METTL24: variants seen among roughly 807,000 people sequenced by gnomAD.
METTL24 encodes probable methyltransferase-like protein 24.
METTL24 carries 29 observed loss-of-function variants against 32.7 expected under a neutral mutation model. The ratio of observed to expected loss-of-function variants is 0.89; its 90% CI spans 0.66 to 1.21. The LOEUF is 1.21. METTL24 is among the 50% of genes most tolerant of loss of function. METTL24 has a pLI of 0.00. For synonymous variants in METTL24, 163 were observed against 179.5 expected, an observed-to-expected ratio of 0.91 and a Z score of 0.73; for missense variants, 439 against 468.1, an observed-to-expected ratio of 0.94 and a Z score of 0.57.
At chr6:110,329,371 G>A (rs924115259) in intron 1 of METTL24, among the ~76,000 whole-genome samples, 1 of 152,108 alleles carries the variant, frequency 6.6e-6, no homozygotes, top group Non-Finnish European at 1.5e-5. Context: ...AAGCTTTCTG[G>A]GAGAAACAAA....
At chr6:110,280,369 T>C (rs1771116501) in intron 4 of METTL24, among the ~76,000 whole-genome samples, 1 of 152,208 alleles carries the variant, frequency 6.6e-6, no homozygotes, top group African/African-American at 2.4e-5. Context: ...TATAGATATA[T>C]ACCACGTATT....
chr6:110,325,469 T>C (rs980929585), intron 1 of METTL24, among the ~76,000 whole-genome samples: 1 of 152,190 alleles, frequency 6.6e-6, no homozygotes, highest in African/African-American at 2.4e-5. Flanking sequence ...AGCTGTAGTT[T>C]GCTGACTCCT....
intron 3 of METTL24, among the ~76,000 whole-genome samples, chr6:110,312,176 C>T (rs1282531773): frequency 6.6e-6 from 1 of 152,010 alleles, no homozygotes; most frequent in Non-Finnish European, 1.5e-5. Context: ...GTTAGAATGG[C>T]TATTATTAAA....
intron 3 of METTL24, among the ~76,000 whole-genome samples, chr6:110,309,866 A>AC (rs1025852414): frequency 7.2e-5 from 11 of 152,142 alleles, no homozygotes; most frequent in African/African-American, 2.7e-4. Context: ...TAGGAGCAAA[A>AC]AAAACAAAAC....
chr6:110,334,111 A>G (rs1428381527), intron 1 of METTL24, among the ~76,000 whole-genome samples: 27 of 151,506 alleles, frequency 1.8e-4, no homozygotes, highest in African/African-American at 6.3e-4. Context: ...AACAGAGGAA[A>G]GGGGGGTCTT....
chr6:110,324,170 G>A (rs542477890), intron 1 of METTL24, among the ~76,000 whole-genome samples: 12 of 152,302 alleles, frequency 7.9e-5, no homozygotes, highest in South Asian at 2.1e-4. Context: ...TCACTTGGGC[G>A]TCTGAGATCA....
At chr6:110,334,468 T>C (rs1041881281) in intron 1 of METTL24, among the ~76,000 whole-genome samples, 13 of 152,000 alleles carry the variant, frequency 8.6e-5, no homozygotes, top group African/African-American at 3.1e-4. Flanking sequence ...GCACAGGACA[T>C]TGACGGGAAG....
chr6:110,299,011 G>A lies in METTL24; in HGVS notation c.697C>T (p.Arg233Trp), dbSNP rs754123098. 33 of 1,614,022 alleles carry A rather than the reference G, an allele frequency of 2.0e-5. 1 individual carries two copies. Among genetic ancestry groups the A allele is most frequent in the South Asian group, 5.5e-5 (5 of 91,086 alleles). ...LWYHRLSIDW[R>W]DPHPAVAAQK... is the part of the protein sequence containing the mutation. ...GCAGCAACAGCTGGATGGGGATCCC[G>A]CCAGTCAATGGACAAGCGGTGATAC... The change falls in exon 4 of 5, where the codon CGG (arginine) becomes TGG (tryptophan). Residue 233 changes from arginine to tryptophan, a missense_variant. Transcript: ENST00000338882.
intron 4 of METTL24, among the ~76,000 whole-genome samples, chr6:110,256,621 G>A (rs1296978714): frequency 3.3e-5 from 5 of 152,130 alleles, no homozygotes; most frequent in South Asian, 4.1e-4. Flanking sequence ...CCCTCCCCCT[G>A]GCCTTCCATC....
rs548785278 is a variant in METTL24, at chr6:110,254,430, G to A, written c.787-8170C>T. Among the ~76,000 whole-genome samples the A allele has an allele frequency of 3.5e-4, 54 of 152,254 alleles. No individual in the cohort carries two copies. In the South Asian group the frequency reaches 9.3e-3, roughly 26 times the overall value. Reference sequence around the variant, plus strand: ...GTGGATCATTTGAGGCCAGGAGTTCGAGACCAGCCTGGGCAACATGGCAAA... The same window carrying A: ...GTGGATCATTTGAGGCCAGGAGTTCAAGACCAGCCTGGGCAACATGGCAAA... On this transcript the variant is annotated intron_variant, in intron 4 of 4. Transcript: ENST00000338882.
At chr6:110,272,307 C>T (rs1350502496) in intron 4 of METTL24, among the ~76,000 whole-genome samples, 2 of 152,176 alleles carry the variant, frequency 1.3e-5, no homozygotes, top group Admixed American at 6.5e-5. Flanking sequence ...TATTTCATTC[C>T]GTTTTATGGC....
intron 4 of METTL24, among the ~76,000 whole-genome samples, chr6:110,264,982 G>A (rs1770825308): frequency 6.6e-6 from 1 of 151,664 alleles, no homozygotes; most frequent in African/African-American, 2.4e-5. Flanking sequence ...TGGGGTGGGG[G>A]TAGTGGGGAG....
rs1772097659 is a variant in METTL24, at chr6:110,330,739, C to G, written c.319-7867G>C. ...ACAGAGCTGACATGGAAATTACAACCCACAGGAGGCTGGTGGGAACTTGAG... is the reference window on the plus strand; with the variant it reads ...ACAGAGCTGACATGGAAATTACAACGCACAGGAGGCTGGTGGGAACTTGAG... On this transcript the variant is annotated intron_variant, in intron 1 of 4. Coordinates refer to ENST00000338882, the MANE Select transcript of METTL24 (RefSeq NM_001123364.3). Among the ~76,000 whole-genome samples, 3 of 152,152 alleles carry G rather than the reference C, an allele frequency of 2.0e-5. 1 individual carries two copies. Among genetic ancestry groups the G allele is most frequent in the African/African-American group, 7.2e-5 (3 of 41,428 alleles).
chr6:110,247,181 C>T (rs180936946), intron 4 of METTL24, among the ~76,000 whole-genome samples: 113 of 152,322 alleles, frequency 7.4e-4, no homozygotes, highest in Middle Eastern at 3.4e-3. Context: ...GTGCCTGACA[C>T]CATGCTAAGG....
chr6:110,281,467 C>T (rs139590554), intron 4 of METTL24, among the ~76,000 whole-genome samples: 1,604 of 151,770 alleles, frequency 0.011, 22 homozygotes, highest in Non-Finnish European at 0.017. Context: ...ATGGTGAAAC[C>T]CCGTCTCTAC....
intron 4 of METTL24, among the ~76,000 whole-genome samples, chr6:110,274,772 CT>C (rs34193104): frequency 0.097 from 10,969 of 113,364 alleles, 622 homozygotes; most frequent in African/African-American, 0.2. Context: ...ATTTTGGTAG[CT>C]TTTTTTTTTT....
rs1014619958 is a variant in METTL24 at position 110,244,135 on chromosome 6, A to G, written c.*1811T>C. Among the ~76,000 whole-genome samples, 2 of 152,230 alleles carry G rather than the reference A, an allele frequency of 1.3e-5. No individual in the cohort carries two copies. The highest frequency in any genetic ancestry group is 4.8e-5 in the African/African-American group (2 of 41,470). ...AAAGTGAGACGATGGTCTTCAGGCC[A>G]CAATCATGTAAGTGATGCCAACTGG... On this transcript the variant is annotated 3_prime_UTR_variant, in exon 5 of 5. Coordinates refer to ENST00000338882, the MANE Select transcript of METTL24 (RefSeq NM_001123364.3).
intron 4 of METTL24, among the ~76,000 whole-genome samples, chr6:110,284,058 C>G (rs796399112): frequency 1.1e-4 from 17 of 152,282 alleles, no homozygotes; most frequent in African/African-American, 4.1e-4. Flanking sequence ...CTGGCACATG[C>G]TACAACCCCA....
chr6:110,244,677 T>C lies in METTL24; in HGVS notation c.*1269A>G, dbSNP rs1290355818. Among the ~76,000 whole-genome samples the C allele has an allele frequency of 6.6e-6, 1 of 151,922 alleles. No homozygotes were observed. Among genetic ancestry groups the C allele is most frequent in the Non-Finnish European group, 1.5e-5 (1 of 67,972 alleles). On this transcript the variant is annotated 3_prime_UTR_variant, in exon 5 of 5. Coordinates refer to ENST00000338882, the MANE Select transcript of METTL24 (RefSeq NM_001123364.3). ...AAGGGGGACACCTCTTATAAAACCA[T>C]CAGATCTCATGAGAACTTACTCAGT...
Sources: allele counts gnomAD v4.1 joint callset (sites outside exome capture counted in the v4.1 genomes callset), GRCh38; gene constraint gnomAD v4.1.1; transcripts MANE v1.5; gene names NCBI Gene and HGNC (gene_info 2026-07-23, HGNC 2026-07-21).